ADAMTSL1: variants seen among roughly 807,000 people sequenced by gnomAD.
ADAMTSL1 encodes the protein ADAMTS like 1.
A neutral mutation model predicts 201.8 loss-of-function variants in ADAMTSL1; 126 were observed. The ratio of observed to expected loss-of-function variants is 0.62; its 90% CI spans 0.54 to 0.72. The LOEUF is 0.72. Ranked by LOEUF, ADAMTSL1 falls within the 30% of genes least tolerant of loss-of-function variation. The pLI is 0.00. For synonymous variants in ADAMTSL1, 1,121 were observed against 903.4 expected (o/e 1.24, Z -4.32); for missense variants, 2,679 against 2,277.8 (o/e 1.18, Z -3.59).
chr9:18,380,133 C>T (rs930828226), intron 2 of ADAMTSL1, among the ~76,000 whole-genome samples: 2 of 152,188 alleles, frequency 1.3e-5, no homozygotes, highest in African/African-American at 4.8e-5. Flanking sequence ...TAAGATTTCT[C>T]ACTGTTTATT....
At chr9:18,341,261 G>C (rs1455369345) in intron 2 of ADAMTSL1, among the ~76,000 whole-genome samples, 1 of 151,958 alleles carries the variant, frequency 6.6e-6, no homozygotes. Context: ...CAGGCTCTCT[G>C]GTCCAGTCTT....
chr9:18,621,738 G>A (rs1286368536), intron 4 of ADAMTSL1, among the ~76,000 whole-genome samples: 2 of 152,020 alleles, frequency 1.3e-5, no homozygotes, highest in African/African-American at 2.4e-5. Context: ...TCACTGCTTG[G>A]AATACATTAA....
At chr9:18,675,945 A>G (rs560555142) in intron 10 of ADAMTSL1, 38 bp downstream of exon 10, 2 of 1,567,570 alleles carry the variant, frequency 1.3e-6, no homozygotes, top group South Asian at 2.2e-5. Flanking sequence ...GAATTAGCAA[A>G]TTAGTCTTCT....
intron 2 of ADAMTSL1, among the ~76,000 whole-genome samples, chr9:18,352,141 A>G (rs996246626): frequency 3.3e-5 from 5 of 152,190 alleles, no homozygotes; most frequent in African/African-American, 7.2e-5. Context: ...ACACAGCTGT[A>G]GCTTCTATAG....
At chr9:17,988,990 G>T (rs755346411) in intron 1 of ADAMTSL1, among the ~76,000 whole-genome samples, 1 of 151,546 alleles carries the variant, frequency 6.6e-6, no homozygotes, top group Non-Finnish European at 1.5e-5. Context: ...TGTCAGGTAG[G>T]GTTTTCACAT....
rs1819356598 is a variant in ADAMTSL1, at chr9:17,995,917, T to A, written c.87+88995T>A. ...CTTTCTCTGCCTCAATTTCCTCATCTCTAAAATGACACAGTCCGTATAGCT... is the reference window on the plus strand; with the variant it reads ...CTTTCTCTGCCTCAATTTCCTCATCACTAAAATGACACAGTCCGTATAGCT... On this transcript the variant is annotated intron_variant, in intron 1 of 29. Transcript: ENST00000680146. Among the ~76,000 whole-genome samples the A allele has an allele frequency of 4.0e-5, 6 of 151,824 alleles. No homozygotes were observed. The South Asian group carries it at 1.2e-3, about 32-fold the overall frequency.
intron 3 of ADAMTSL1, among the ~76,000 whole-genome samples, chr9:18,536,602 C>G (rs1819791356): frequency 6.6e-6 from 1 of 152,152 alleles, no homozygotes. Flanking sequence ...GTAGCTGGTT[C>G]AAGAAGACTA....
intron 4 of ADAMTSL1, among the ~76,000 whole-genome samples, chr9:18,597,609 T>G (rs1824353758): frequency 2.6e-5 from 4 of 152,258 alleles, no homozygotes; most frequent in Admixed American, 1.3e-4. Context: ...CTTATGACAC[T>G]TCATGTAATT....
At chr9:18,362,915 T>C (rs1274211941) in intron 2 of ADAMTSL1, among the ~76,000 whole-genome samples, 3 of 152,210 alleles carry the variant, frequency 2.0e-5, no homozygotes, top group African/African-American at 4.8e-5. Context: ...TCCAACCAAG[T>C]AGCCAAAGGA....
chr9:18,353,070 T>G (rs1471885199), intron 2 of ADAMTSL1, among the ~76,000 whole-genome samples: 1 of 152,248 alleles, frequency 6.6e-6, no homozygotes, highest in African/African-American at 2.4e-5. Context: ...TCCCCCATTC[T>G]GGGTTCCTCT....
chr9:18,405,379 G>A lies in ADAMTSL1; in HGVS notation c.208-99450G>A, dbSNP rs146174634. On this transcript the variant is annotated intron_variant, in intron 2 of 29. Coordinates refer to the ADAMTSL1 transcript ENST00000680146. ...TGAGGTTGGTGAGAGGATGGAAATGGAAGACAATAGTGATGACACAGAAAG... is the reference window on the plus strand; with the variant it reads ...TGAGGTTGGTGAGAGGATGGAAATGAAAGACAATAGTGATGACACAGAAAG... Among the ~76,000 whole-genome samples, 5 of 152,304 alleles carry A rather than the reference G, an allele frequency of 3.3e-5. No individual in the cohort carries two copies. In the South Asian group the frequency reaches 1.0e-3, roughly 32 times the overall value.
intron 4 of ADAMTSL1, among the ~76,000 whole-genome samples, chr9:18,579,817 C>T (rs1054284996): frequency 2.6e-5 from 4 of 152,162 alleles, no homozygotes; most frequent in Non-Finnish European, 5.9e-5. Context: ...TCTATTAGTA[C>T]TGCTGTTATT....
intron 1 of ADAMTSL1, among the ~76,000 whole-genome samples, chr9:17,994,992 GT>G (rs930533653): frequency 3.9e-5 from 6 of 152,106 alleles, no homozygotes; most frequent in African/African-American, 1.2e-4. Flanking sequence ...AATGCAATCT[GT>G]TTATGTTTAT....
intron 2 of ADAMTSL1, among the ~76,000 whole-genome samples, chr9:18,396,563 A>T (rs1817761431): frequency 6.7e-6 from 1 of 148,226 alleles, no homozygotes. Context: ...AATTAATATT[A>T]ATTAAATTTT....
At chr9:18,030,563 G>T (rs1281706422) in intron 1 of ADAMTSL1, among the ~76,000 whole-genome samples, 1 of 150,916 alleles carries the variant, frequency 6.6e-6, no homozygotes, top group Non-Finnish European at 1.5e-5. Flanking sequence ...TTAATAAAAA[G>T]AAAAAAAAAT....
Position 18,887,812 on chromosome 9 carries a change from T to A in ADAMTSL1, c.4250-19T>A. ...CCTTATGGCTTTACTAAGGCTTACT[T>A]CTTTTCCTCTCCTTCTAGGCTGCCC... On this transcript the variant is annotated intron_variant, in intron 23 of 28. Transcript: ENST00000380548. 1.2e-6 allele frequency: 2 copies of A among 1,607,154 alleles called. No homozygotes were observed. Among genetic ancestry groups the A allele is most frequent in the South Asian group, 1.1e-5 (1 of 90,092 alleles).
chr9:18,762,489 C>T (rs567223979), intron 16 of ADAMTSL1, among the ~76,000 whole-genome samples: 11 of 152,224 alleles, frequency 7.2e-5, no homozygotes, highest in South Asian at 2.1e-4. Context: ...AACACTTATC[C>T]ATTGAGTTAC....
chr9:18,522,355 A>G (rs944863846), intron 2 of ADAMTSL1, among the ~76,000 whole-genome samples: 1 of 152,196 alleles, frequency 6.6e-6, no homozygotes, highest in Non-Finnish European at 1.5e-5. Context: ...AGAAGCTGAC[A>G]GTACACTTGC....
Position 18,908,585 on chromosome 9 carries a change from C to T in ADAMTSL1, c.*37C>T, listed in dbSNP as rs1455574167. 30 of 1,504,250 alleles carry T rather than the reference C, an allele frequency of 2.0e-5. No homozygotes were observed. Among genetic ancestry groups the T allele is most frequent in the East Asian group, 2.5e-5 (1 of 40,682 alleles). The allele number at this position is 1,504,250 out of a possible 1,614,324, so 93.2% of individuals were successfully genotyped here. A position where few individuals can be genotyped will look rare whatever the true frequency, so the allele number is the denominator to read the frequency against. ...GGGGAAAAACTCTACCCTGGCCACA[C>T]GAAGGACTCACGCAACCACCTCGGA... On this transcript the variant is annotated 3_prime_UTR_variant, in exon 29 of 29. Coordinates refer to ENST00000380548, the MANE Select transcript of ADAMTSL1 (RefSeq NM_001040272.6).
Sources: allele counts gnomAD v4.1 joint callset (sites outside exome capture counted in the v4.1 genomes callset), GRCh38; gene constraint gnomAD v4.1.1; transcripts MANE v1.5; gene names NCBI Gene and HGNC (gene_info 2026-07-23, HGNC 2026-07-21).